TRIM2: variants seen among roughly 807,000 people sequenced by gnomAD.
TRIM2 encodes the protein tripartite motif-containing protein 2.
In TRIM2, 20 loss-of-function variants were observed where a neutral mutation model predicts 75.2. That is an observed-to-expected ratio of 0.27 (90% CI 0.19 to 0.39). The LOEUF (loss-of-function observed/expected upper bound fraction) is 0.39. Among genes scored for constraint, TRIM2 ranks in the 10% least tolerant of loss-of-function variants. The pLI is 1.00. For synonymous variants in TRIM2, 373 were observed against 388.3 expected (o/e 0.96, Z 0.46); for missense variants, 660 against 990.8 (o/e 0.67, Z 4.48).
In TRIM2 at chr4:153,248,913, G is replaced by C. The variant is rs1039436950; in HGVS notation, c.31-21422G>C. Among the ~76,000 whole-genome samples the C allele has an allele frequency of 2.0e-5, 3 of 152,196 alleles. No homozygotes were observed. Among genetic ancestry groups the C allele is most frequent in the Non-Finnish European group, 4.4e-5 (3 of 68,042 alleles). On this transcript the variant is annotated intron_variant, in intron 1 of 11. Coordinates refer to ENST00000338700, the MANE Select transcript of TRIM2 (RefSeq NM_015271.5). This position sits in a 1 kb window ranked among gnomAD's most constrained non-coding sequence, Gnocchi z 4.0. ...GCATGGAAACCCAAGCATGTTACTC[G>C]GAGAAAGTCCCACCCCCAGCATGGG... is the stretch of plus-strand genomic sequence containing the variant.
chr4:153,182,720 T>G (rs1004640425), intron 1 of TRIM2, among the ~76,000 whole-genome samples: 3 of 152,240 alleles, frequency 2.0e-5, no homozygotes, highest in Non-Finnish European at 2.9e-5. Flanking sequence ...CAGAATAACC[T>G]AATACTTGGG....
intron 1 of TRIM2, among the ~76,000 whole-genome samples, chr4:153,230,743 C>T (rs1743397105): frequency 6.6e-6 from 1 of 152,202 alleles, no homozygotes; most frequent in South Asian, 2.1e-4. Context: ...CTCCATCCAT[C>T]CTATCAATTT....
chr4:153,325,387 C>G (rs1373160905), intron 10 of TRIM2, among the ~76,000 whole-genome samples: 1 of 152,200 alleles, frequency 6.6e-6, no homozygotes, highest in African/African-American at 2.4e-5. Flanking sequence ...CCCCCCTACA[C>G]TCAAATGCAG....
At chr4:153,184,256 G>T (rs1000803159) in intron 1 of TRIM2, among the ~76,000 whole-genome samples, 8 of 152,130 alleles carry the variant, frequency 5.3e-5, no homozygotes, top group African/African-American at 1.9e-4. Context: ...GTGTCAGTGT[G>T]GTTGGTTCCT....
chr4:153,303,161 T>C (rs1217199001), intron 6 of TRIM2, among the ~76,000 whole-genome samples: 2 of 152,150 alleles, frequency 1.3e-5, no homozygotes, highest in East Asian at 3.9e-4. Context: ...GTTTATGTTA[T>C]CATTAAAAGA....
At chr4:153,279,214 G>A (rs1423997758) in intron 3 of TRIM2, among the ~76,000 whole-genome samples, 2 of 152,152 alleles carry the variant, frequency 1.3e-5, no homozygotes, top group African/African-American at 4.8e-5. Context: ...AGAGAAAAGA[G>A]TACTCTTTGA....
At chr4:153,311,684 T>TA (rs1285161013) in intron 6 of TRIM2, among the ~76,000 whole-genome samples, 1 of 72,524 alleles carries the variant, frequency 1.4e-5, no homozygotes, top group African/African-American at 3.5e-5. Flanking sequence ...TTAATTGGTC[T>TA]TCATTTCCTC....
chr4:153,270,763 A>G (rs1756480958), intron 2 of TRIM2, among the ~76,000 whole-genome samples: 1 of 152,252 alleles, frequency 6.6e-6, no homozygotes, highest in Non-Finnish European at 1.5e-5. Context: ...AGCATTAAAT[A>G]AGAATGTTAA....
chr4:153,295,478 T>C lies in TRIM2; in HGVS notation c.952T>C (p.Leu318=), dbSNP rs966281558. The C allele has an allele frequency of 1.2e-6, 2 of 1,614,068 alleles. No homozygotes were observed. The highest frequency in any genetic ancestry group is 1.7e-5 in the Admixed American group (1 of 60,028). ...LNELADQDFP[L]HPRENDQLDF... The stretch of plus-strand genomic sequence containing the variant: ...CGAGCTGGCCGACCAGGACTTCCCC[T>C]TGCACCCGCGGGAGAACGACCAGCT... The change falls in exon 6 of 12, where the codon TTG becomes CTG. Residue 318 remains leucine, a synonymous_variant. Coordinates refer to ENST00000338700, the MANE Select transcript of TRIM2 (RefSeq NM_015271.5). This position sits in a 1 kb window ranked among gnomAD's most constrained non-coding sequence, Gnocchi z 7.2.
chr4:153,173,165 G>A (rs1731054961), intron 1 of TRIM2, among the ~76,000 whole-genome samples: 1 of 152,166 alleles, frequency 6.6e-6, no homozygotes, highest in South Asian at 2.1e-4. Flanking sequence ...TCAAGGCTTA[G>A]GGGTTGAGGA....
chr4:153,271,952 T>C (rs1231227087), intron 2 of TRIM2, among the ~76,000 whole-genome samples: 2 of 152,120 alleles, frequency 1.3e-5, no homozygotes, highest in African/African-American at 4.8e-5. Context: ...CTCTGACAGG[T>C]GAGAAGCAAC....
upstream of TRIM2, among the ~76,000 whole-genome samples, chr4:153,201,184 G>A (rs1178965306): frequency 6.6e-6 from 1 of 152,014 alleles, no homozygotes; most frequent in Non-Finnish European, 1.5e-5. Context: ...GACTGGTCTC[G>A]AACTTTTGAC....
At chr4:153,221,127 G>A (rs912474013) in intron 1 of TRIM2, among the ~76,000 whole-genome samples, 2 of 152,308 alleles carry the variant, frequency 1.3e-5, no homozygotes, top group Admixed American at 1.3e-4. Flanking sequence ...GCAAAATGTG[G>A]TGTATTTATA....
intron 1 of TRIM2, among the ~76,000 whole-genome samples, chr4:153,205,346 T>C (rs1300414275): frequency 6.6e-6 from 1 of 152,110 alleles, no homozygotes; most frequent in Admixed American, 6.5e-5. Context: ...TGGTGCCTGC[T>C]TTATCTCTTG....
chr4:153,312,376 C>T (rs2150226959), intron 6 of TRIM2, among the ~76,000 whole-genome samples: 1 of 151,996 alleles, frequency 6.6e-6, no homozygotes, highest in South Asian at 2.1e-4. Flanking sequence ...AACAAACAAC[C>T]CCATCAAAAA....
chr4:153,244,531 G>C (rs966892226), intron 1 of TRIM2, among the ~76,000 whole-genome samples: 9 of 150,692 alleles, frequency 6.0e-5, no homozygotes, highest in Non-Finnish European at 1.3e-4. Context: ...AAGTAGCTGA[G>C]ATTACTGGTG....
intron 1 of TRIM2, among the ~76,000 whole-genome samples, chr4:153,192,780 G>A (rs150693104): frequency 6.6e-6 from 1 of 152,080 alleles, no homozygotes; most frequent in East Asian, 1.9e-4. Flanking sequence ...CACTACCAAG[G>A]ATGCTGTTTT....
intron 9 of TRIM2, among the ~76,000 whole-genome samples, chr4:153,323,790 A>G (rs560711366): frequency 1.3e-5 from 2 of 152,290 alleles, no homozygotes; most frequent in South Asian, 4.1e-4. Context: ...GGTGGCACGG[A>G]GAATGAATTC....
chr4:153,172,425 G>C (rs911669864), intron 1 of TRIM2, among the ~76,000 whole-genome samples: 1 of 152,154 alleles, frequency 6.6e-6, no homozygotes, highest in Non-Finnish European at 1.5e-5. Flanking sequence ...CTGACCCCAT[G>C]ATCCGCCCGC....
Sources: gnomAD v4.1 joint callset for allele counts (sites outside exome capture counted in the v4.1 genomes callset) on GRCh38, gnomAD v4.1.1 for gene constraint, Gnocchi (gnomAD v3.1) non-coding constraint, MANE v1.5 for transcripts, NCBI Gene and HGNC (gene_info 2026-07-23, HGNC 2026-07-21) for gene names.